The following SNTG1 variants were observed in gnomAD, a reference collection of about 807,000 sequenced individuals.
The protein encoded by SNTG1 is syntrophin gamma 1.
Under a neutral mutation model 74.7 loss-of-function variants are expected in SNTG1, and 39 were observed. The ratio of observed to expected loss-of-function variants is 0.52; its 90% confidence interval spans 0.40 to 0.68. The LOEUF is 0.68. Among genes scored for constraint, SNTG1 ranks in the 30% least tolerant of loss-of-function variants. SNTG1 has a pLI of 0.00. For missense variants in SNTG1, 685 were observed against 609.5 expected (o/e 1.12, Z -1.30); for synonymous variants, 254 against 217.1 (o/e 1.17, Z -1.49).
intron 18 of SNTG1, among the ~76,000 whole-genome samples, chr8:50,758,646 A>C (rs946174429): frequency 6.6e-6 from 1 of 152,126 alleles, no homozygotes; most frequent in Non-Finnish European, 1.5e-5. Flanking sequence ...TGCAAAGGAC[A>C]TGAACTCATC....
At chr8:49,973,457 T>G (rs1330498813) in intron 1 of SNTG1, among the ~76,000 whole-genome samples, 1 of 151,598 alleles carries the variant, frequency 6.6e-6, no homozygotes, top group Non-Finnish European at 1.5e-5. Context: ...GGCACATGTA[T>G]ACATATGTAA....
intron 2 of SNTG1, among the ~76,000 whole-genome samples, chr8:50,291,523 G>A (rs13253758): frequency 0.52 from 79,444 of 151,964 alleles, 23,788 homozygotes; most frequent in East Asian, 0.83. Context: ...TAATAAATGA[G>A]ACAGCCAGGT....
At chr8:50,537,046 A>T (rs2094313409) in intron 11 of SNTG1, among the ~76,000 whole-genome samples, 1 of 152,178 alleles carries the variant, frequency 6.6e-6, no homozygotes, top group Admixed American at 6.5e-5. Flanking sequence ...GACTCAATAG[A>T]TAGTTTTATT....
At chr8:50,591,293 A>G (rs555207495) in intron 13 of SNTG1, among the ~76,000 whole-genome samples, 1 of 152,234 alleles carries the variant, frequency 6.6e-6, no homozygotes, top group East Asian at 1.9e-4. Flanking sequence ...TGCTGACAGT[A>G]TTTCAAACGA....
intron 1 of SNTG1, among the ~76,000 whole-genome samples, chr8:50,126,921 C>T (rs977470959): frequency 1.3e-5 from 2 of 152,068 alleles, no homozygotes; most frequent in African/African-American, 4.8e-5. Context: ...CGAGCTTTTT[C>T]CTCAGGAGCA....
In SNTG1 at chr8:50,730,829, C is replaced by T. The variant is rs899315149; in HGVS notation, c.1285-21172C>T. Among the ~76,000 whole-genome samples the T allele has an allele frequency of 2.0e-5, 3 of 152,230 alleles. No individual in the cohort carries two copies. In the South Asian group the frequency reaches 6.2e-4, roughly 32 times the overall value. ...GTACTTGTATTCAGGTGACTTCTGA[C>T]ATTCAAGTTTGCCATCAGCTTACTG... is the stretch of plus-strand genomic sequence containing the variant. On this transcript the variant is annotated intron_variant, in intron 17 of 18. Coordinates refer to ENST00000642720, the MANE Select transcript of SNTG1 (RefSeq NM_018967.5).
At chr8:50,540,123 G>A (rs2094336002) in intron 11 of SNTG1, among the ~76,000 whole-genome samples, 1 of 152,138 alleles carries the variant, frequency 6.6e-6, no homozygotes, top group African/African-American at 2.4e-5. Context: ...TATGTGTGAA[G>A]TTCTTTAGTT....
intron 8 of SNTG1, among the ~76,000 whole-genome samples, chr8:50,483,210 A>G (rs1332586081): frequency 2.6e-5 from 4 of 152,176 alleles, no homozygotes; most frequent in Admixed American, 2.6e-4. Context: ...TATCTTAGTG[A>G]TTTTTATAGT....
At chr8:50,072,691 T>C (rs1821475518) in intron 1 of SNTG1, among the ~76,000 whole-genome samples, 1 of 152,174 alleles carries the variant, frequency 6.6e-6, no homozygotes, top group Non-Finnish European at 1.5e-5. Flanking sequence ...GGAAATCTGA[T>C]CATCTCTAAA....
At chr8:49,919,619 A>C (rs1806351084) in intron 1 of SNTG1, among the ~76,000 whole-genome samples, 1 of 152,124 alleles carries the variant, frequency 6.6e-6, no homozygotes, top group Admixed American at 6.5e-5. Flanking sequence ...AACATATCAA[A>C]GTTTTGTGGG....
chr8:50,789,062 A>G (rs190898264), intron 18 of SNTG1, among the ~76,000 whole-genome samples: 5 of 152,018 alleles, frequency 3.3e-5, no homozygotes, highest in Non-Finnish European at 7.4e-5. Flanking sequence ...GCCCCCTTTA[A>G]AAAGGAAAAG....
intron 1 of SNTG1, among the ~76,000 whole-genome samples, chr8:50,104,612 ATG>A: frequency 6.6e-6 from 1 of 151,900 alleles, no homozygotes; most frequent in Non-Finnish European, 1.5e-5. Flanking sequence ...TAGCTTTTGA[ATG>A]TGTTTGCTCT....
intron 2 of SNTG1, among the ~76,000 whole-genome samples, chr8:50,302,196 A>G (rs76910074): frequency 0.069 from 10,562 of 152,272 alleles, 411 homozygotes; most frequent in African/African-American, 0.086. Context: ...TTAATGTGGA[A>G]GCAGTTTATA....
chr8:50,519,542 T>C (rs559056874), intron 9 of SNTG1, among the ~76,000 whole-genome samples: 17 of 152,354 alleles, frequency 1.1e-4, no homozygotes, highest in Non-Finnish European at 1.9e-4. Context: ...CATGATTGTA[T>C]ATTTAGAAAA....
At chr8:50,482,797 G>A (rs2131825375) in intron 8 of SNTG1, among the ~76,000 whole-genome samples, 1 of 152,172 alleles carries the variant, frequency 6.6e-6, no homozygotes, top group East Asian at 1.9e-4. Context: ...CCATTGATAT[G>A]TGTACTCCTT....
chr8:50,075,776 T>G lies in SNTG1; in HGVS notation c.-102-96785T>G, dbSNP rs113202444. ...AAGACCACGAACCCCCTGGGAGGAA[T>G]GAACAACTCCAGACGCGCCGCCTTA... On this transcript the variant is annotated intron_variant, in intron 1 of 18. Coordinates refer to ENST00000642720, the MANE Select transcript of SNTG1 (RefSeq NM_018967.5). 7.2e-5 allele frequency among the ~76,000 whole-genome samples: 11 copies of G among 152,202 alleles called. 1 individual carries two copies. The highest frequency in any genetic ancestry group is 2.4e-4 in the African/African-American group (10 of 41,528).
chr8:50,602,896 G>A (rs1340445400), intron 13 of SNTG1, among the ~76,000 whole-genome samples: 1 of 143,714 alleles, frequency 7.0e-6, no homozygotes, highest in East Asian at 1.9e-4. Context: ...TCCACTGTAA[G>A]GTATTTTTTT....
chr8:50,019,164 C>T (rs1339086512), intron 1 of SNTG1, among the ~76,000 whole-genome samples: 5 of 151,932 alleles, frequency 3.3e-5, no homozygotes, highest in Non-Finnish European at 7.4e-5. Flanking sequence ...AAAGGCTGAA[C>T]AACACTGTAA....
intron 1 of SNTG1, among the ~76,000 whole-genome samples, chr8:50,062,074 C>T (rs1820521833): frequency 6.6e-6 from 1 of 152,074 alleles, no homozygotes. Flanking sequence ...GACAGGGTCT[C>T]GTTCTGTTAC....
Sources: gnomAD v4.1 joint callset for allele counts (sites outside exome capture counted in the v4.1 genomes callset) on GRCh38, gnomAD v4.1.1 for gene constraint, MANE v1.5 for transcripts, NCBI Gene and HGNC (gene_info 2026-07-23, HGNC 2026-07-21) for gene names.